Variants in CACNB2 observed in about 807,000 individuals in gnomAD.
CACNB2 encodes voltage-dependent L-type calcium channel subunit beta-2.
Under a neutral mutation model 73.3 loss-of-function variants are expected in CACNB2, and 42 were observed. That is an observed-to-expected ratio of 0.57 (90% CI 0.45 to 0.74). CACNB2 has a LOEUF of 0.74. Ranked by LOEUF, CACNB2 falls within the 30% of genes least tolerant of loss-of-function variation. CACNB2 has a pLI of 0.00. For synonymous variants in CACNB2, 348 were observed against 310.3 expected (o/e 1.12, Z -1.28); for missense variants, 940 against 853.0 (o/e 1.10, Z -1.27).
chr10:18,401,512 G>A (rs1041920160), intron 2 of CACNB2, among the ~76,000 whole-genome samples: 1 of 152,160 alleles, frequency 6.6e-6, no homozygotes, highest in Non-Finnish European at 1.5e-5. Context: ...TTATAACTCA[G>A]ACTTTCTTTC....
intron 2 of CACNB2, among the ~76,000 whole-genome samples, chr10:18,331,382 G>A (rs541781095): frequency 1.3e-5 from 2 of 151,584 alleles, no homozygotes; most frequent in South Asian, 4.2e-4. Flanking sequence ...TGAGCCTAGG[G>A]GTTTGAGGCT....
chr10:18,202,357 A>G (rs1379908654), intron 2 of CACNB2, among the ~76,000 whole-genome samples: 2 of 152,192 alleles, frequency 1.3e-5, no homozygotes. Flanking sequence ...TTCTCTGGCT[A>G]TGATTGAGTA....
chr10:18,332,414 CAG>C (rs1475188996), intron 2 of CACNB2, among the ~76,000 whole-genome samples: 1 of 152,096 alleles, frequency 6.6e-6, no homozygotes, highest in African/African-American at 2.4e-5. Context: ...TTCGGGGACA[CAG>C]AAAGATCAAG....
chr10:18,143,524 G>T (rs1201114358), intron 1 of CACNB2, among the ~76,000 whole-genome samples: 1 of 152,198 alleles, frequency 6.6e-6, no homozygotes, highest in African/African-American at 2.4e-5. Context: ...TCATCTCCTT[G>T]CTTTCTCTGC....
chr10:18,539,261 C>G lies in CACNB2; in HGVS notation c.1520C>G (p.Ser507Cys), dbSNP rs1289050937. 3 of 1,613,990 alleles carry G rather than the reference C, an allele frequency of 1.9e-6. No individual in the cohort carries two copies. The East Asian group carries it at 6.7e-5, about 36-fold the overall frequency. The change falls in exon 14 of 14, where the codon TCC becomes TGC. Residue 507 changes from serine to cysteine, a missense_variant. By Grantham distance (112) the Ser-to-Cys change is moderately radical. Transcript: ENST00000324631. ...CAAGGTGATCAGAGGACTGATCGCT[C>G]CGCTCCTATCCGTTCTGCTTCCCAA... is the stretch of plus-strand genomic sequence containing the variant. The part of the protein sequence containing the change: ...GSQGDQRTDR[S>C]APIRSASQAE...
chr10:18,251,387 A>G (rs1227693794), intron 2 of CACNB2, among the ~76,000 whole-genome samples: 2 of 151,988 alleles, frequency 1.3e-5, no homozygotes, highest in Non-Finnish European at 2.9e-5. Context: ...AGCTGAGGTC[A>G]CACACGCCTG....
chr10:18,254,453 C>T (rs2037202083), intron 2 of CACNB2, among the ~76,000 whole-genome samples: 1 of 151,904 alleles, frequency 6.6e-6, no homozygotes, highest in East Asian at 1.9e-4. Flanking sequence ...ATCTTATTTA[C>T]TTCTCCTGCT....
At chr10:18,486,459 A>G (rs1470045159) in intron 3 of CACNB2, among the ~76,000 whole-genome samples, 1 of 152,216 alleles carries the variant, frequency 6.6e-6, no homozygotes, top group East Asian at 1.9e-4. Context: ...TAAGAAAATA[A>G]AAGTTCTTCC....
At chr10:18,334,253 C>T (rs1433929327) in intron 2 of CACNB2, among the ~76,000 whole-genome samples, 1 of 152,160 alleles carries the variant, frequency 6.6e-6, no homozygotes, top group African/African-American at 2.4e-5. Context: ...CGAGCTGGGA[C>T]TGCAGAAACC....
intron 2 of CACNB2, among the ~76,000 whole-genome samples, chr10:18,157,759 A>C (rs1252749933): frequency 1.3e-5 from 2 of 152,248 alleles, no homozygotes; most frequent in Non-Finnish European, 2.9e-5. Flanking sequence ...AAATGAATAA[A>C]TTATAATAAC....
chr10:18,506,617 T>C, intron 6 of CACNB2, 70 bp downstream of exon 6: 1 of 958,058 alleles, frequency 1.0e-6, no homozygotes, highest in East Asian at 2.4e-5. Flanking sequence ...TCCAGTTTTG[T>C]GAATTTACGT....
chr10:18,539,154 T>A (rs760111387), intron 13 of CACNB2, 76 bp from the exon 14 acceptor site: 89 of 1,587,058 alleles, frequency 5.6e-5, no homozygotes, highest in Non-Finnish European at 7.2e-5. Context: ...GGACTCTGCT[T>A]GAATGCACTT....
chr10:18,164,820 G>A (rs1032488828), intron 2 of CACNB2, among the ~76,000 whole-genome samples: 30 of 152,220 alleles, frequency 2.0e-4, no homozygotes, highest in African/African-American at 6.7e-4. Flanking sequence ...TTTTGTGTGC[G>A]TGTGTATGTG....
chr10:18,263,016 G>A (rs2037626112), intron 2 of CACNB2, among the ~76,000 whole-genome samples: 1 of 152,150 alleles, frequency 6.6e-6, no homozygotes, highest in Admixed American at 6.5e-5. Flanking sequence ...GAGCACAGAT[G>A]TCTTTTAAAG....
At chr10:18,436,453 A>C (rs1333194701) in intron 3 of CACNB2, among the ~76,000 whole-genome samples, 1 of 152,228 alleles carries the variant, frequency 6.6e-6, no homozygotes, top group Non-Finnish European at 1.5e-5. Flanking sequence ...CTTTTCTATT[A>C]ATCATTGCCA....
intron 2 of CACNB2, among the ~76,000 whole-genome samples, chr10:18,189,474 G>A (rs1405612901): frequency 6.6e-6 from 1 of 152,132 alleles, no homozygotes; most frequent in Non-Finnish European, 1.5e-5. Context: ...CATATTATTT[G>A]CATTGTTCAG....
chr10:18,190,279 A>T (rs1221079920), intron 2 of CACNB2, among the ~76,000 whole-genome samples: 1 of 152,170 alleles, frequency 6.6e-6, no homozygotes, highest in Admixed American at 6.5e-5. Context: ...GTTTTCTCAG[A>T]TACAGAGGGT....
rs1248770129 is a variant in CACNB2 at position 18,338,167 on chromosome 10, C to T, written c.214-63757C>T. 2.0e-5 allele frequency among the ~76,000 whole-genome samples: 3 copies of T among 152,240 alleles called. No homozygotes were observed. The East Asian group carries it at 5.8e-4, about 29-fold the overall frequency. ...GGAAAAAATATTTTCAAATTACATACCTGATACGGGGTTAATACCCCAAAT... is the reference window on the plus strand; with the variant it reads ...GGAAAAAATATTTTCAAATTACATATCTGATACGGGGTTAATACCCCAAAT... On this transcript the variant is annotated intron_variant, in intron 2 of 13. Transcript: ENST00000324631.
intron 2 of CACNB2, among the ~76,000 whole-genome samples, chr10:18,221,395 A>C (rs1200043816): frequency 6.6e-6 from 1 of 152,188 alleles, no homozygotes; most frequent in Non-Finnish European, 1.5e-5. Flanking sequence ...GTTTAAAAAA[A>C]GCACCAGGCA....
Sources: gnomAD v4.1 joint callset for allele counts (sites outside exome capture counted in the v4.1 genomes callset) on GRCh38, gnomAD v4.1.1 for gene constraint, MANE v1.5 for transcripts, NCBI Gene and HGNC (gene_info 2026-07-23, HGNC 2026-07-21) for gene names.